The following GRID1 variants were observed in gnomAD, a reference collection of about 807,000 sequenced individuals.
The protein encoded by GRID1 is glutamate receptor ionotropic, delta-1.
In GRID1, 28 loss-of-function variants were observed where a neutral mutation model predicts 98.0. The ratio of observed to expected loss-of-function variants is 0.29; its 90% CI spans 0.21 to 0.39. The LOEUF is 0.39. GRID1 is among the 10% of genes least tolerant of loss of function. The pLI is 1.00. For missense variants in GRID1, 1,111 were observed against 1,340.5 expected, an observed-to-expected ratio of 0.83 and a Z score of 2.67; for synonymous variants, 553 against 538.5, an observed-to-expected ratio of 1.03 and a Z score of -0.37.
intron 13 of GRID1, among the ~76,000 whole-genome samples, chr10:85,641,351 A>G (rs1843114899): frequency 6.6e-6 from 1 of 152,246 alleles, no homozygotes; most frequent in South Asian, 2.1e-4. Context: ...TCAAAAGATA[A>G]AGTCACAGAC....
chr10:85,921,563 CACGTACTGGCTCCCAGCTTCCAA>C (rs1438121177), intron 4 of GRID1, among the ~76,000 whole-genome samples: 23 of 152,226 alleles, frequency 1.5e-4, no homozygotes, highest in African/African-American at 5.1e-4. Flanking sequence ...AGATGTGGGC[CACGTACTGGCTCCCAGCTTCCAA>C]ACAGACTCTG....
intron 4 of GRID1, among the ~76,000 whole-genome samples, chr10:86,067,023 C>T (rs561692643): frequency 5.0e-4 from 76 of 152,286 alleles, no homozygotes; most frequent in Admixed American, 2.5e-3. Flanking sequence ...TCCTTAATAG[C>T]GCATAGAGCT....
At chr10:85,631,058 A>T (rs1320100292) in intron 13 of GRID1, among the ~76,000 whole-genome samples, 1 of 152,226 alleles carries the variant, frequency 6.6e-6, no homozygotes, top group Non-Finnish European at 1.5e-5. Context: ...ACTCTACTTT[A>T]TGCTTTACCA....
chr10:85,961,761 C>T (rs968193633), intron 4 of GRID1, among the ~76,000 whole-genome samples: 2 of 151,794 alleles, frequency 1.3e-5, no homozygotes, highest in African/African-American at 2.4e-5. Flanking sequence ...TCCTTCCTCC[C>T]TCTCTTCCCT....
chr10:86,254,848 C>G (rs72841801), intron 2 of GRID1, among the ~76,000 whole-genome samples: 2,674 of 152,370 alleles, frequency 0.018, 35 homozygotes, highest in Non-Finnish European at 0.031. Context: ...GCCGGCTGCA[C>G]AGCCCCAGCC....
intron 3 of GRID1, among the ~76,000 whole-genome samples, chr10:86,145,376 C>T (rs990620047): frequency 1.3e-5 from 2 of 152,144 alleles, no homozygotes; most frequent in African/African-American, 4.8e-5. Flanking sequence ...ACACCCGCCA[C>T]CACGCCCGGC....
At chr10:85,764,889 C>T (rs896401466) in intron 8 of GRID1, among the ~76,000 whole-genome samples, 2 of 152,110 alleles carry the variant, frequency 1.3e-5, no homozygotes, top group African/African-American at 2.4e-5. Context: ...TTCCACTTGT[C>T]TGAAAATAGA....
chr10:86,137,391 C>G (rs535160388), intron 4 of GRID1, among the ~76,000 whole-genome samples: 1 of 152,200 alleles, frequency 6.6e-6, no homozygotes, highest in Non-Finnish European at 1.5e-5. Context: ...CCATTCAACT[C>G]CAAAGCCAAT....
intron 4 of GRID1, among the ~76,000 whole-genome samples, chr10:86,078,885 T>C (rs914921837): frequency 6.6e-6 from 1 of 152,238 alleles, no homozygotes; most frequent in Non-Finnish European, 1.5e-5. Context: ...GTTTCCTCTC[T>C]TGTGCAAACC....
chr10:85,906,686 AT>A (rs781602763), intron 5 of GRID1, among the ~76,000 whole-genome samples: 6 of 152,316 alleles, frequency 3.9e-5, no homozygotes, highest in Admixed American at 2.6e-4. Context: ...ATATAGAAGT[AT>A]TTTGAACTAA....
chr10:86,012,661 T>A (rs1173632579), intron 4 of GRID1, among the ~76,000 whole-genome samples: 1 of 151,920 alleles, frequency 6.6e-6, no homozygotes, highest in Non-Finnish European at 1.5e-5. Context: ...CTTTGGGAGG[T>A]AACTGGATCA....
chr10:85,960,988 C>T (rs555732268), intron 4 of GRID1, among the ~76,000 whole-genome samples: 1 of 152,006 alleles, frequency 6.6e-6, no homozygotes, highest in East Asian at 1.9e-4. Context: ...GGTAGAGTCG[C>T]ACGGAGGCTG....
At chr10:86,180,625 TC>T (rs1845641925) in intron 3 of GRID1, among the ~76,000 whole-genome samples, 1 of 152,026 alleles carries the variant, frequency 6.6e-6, no homozygotes, top group South Asian at 2.1e-4. Flanking sequence ...TGCACCCACT[TC>T]CTAGGCTTCC....
At chr10:86,016,320 G>A (rs967601474) in intron 4 of GRID1, among the ~76,000 whole-genome samples, 14 of 151,838 alleles carry the variant, frequency 9.2e-5, no homozygotes, top group African/African-American at 3.4e-4. Context: ...CTAATTTTTT[G>A]TATTTTTAGT....
intron 12 of GRID1, among the ~76,000 whole-genome samples, chr10:85,722,559 G>A (rs1841715551): frequency 6.6e-6 from 1 of 151,940 alleles, no homozygotes; most frequent in Non-Finnish European, 1.5e-5. Context: ...ATATAAATGT[G>A]CATGAAATAT....
chr10:86,329,842 C>A (rs2132101688), intron 2 of GRID1, among the ~76,000 whole-genome samples: 1 of 152,276 alleles, frequency 6.6e-6, no homozygotes, highest in South Asian at 2.1e-4. Flanking sequence ...TCCCTTGAAG[C>A]AAACCAGGCC....
At chr10:86,208,090 G>A (rs1202826106) in intron 2 of GRID1, among the ~76,000 whole-genome samples, 5 of 152,120 alleles carry the variant, frequency 3.3e-5, no homozygotes, top group Admixed American at 3.3e-4. Flanking sequence ...AGAAAAGGGG[G>A]AACTGACCCC....
At chr10:85,902,736 C>G (rs1294765539) in intron 5 of GRID1, among the ~76,000 whole-genome samples, 1 of 152,196 alleles carries the variant, frequency 6.6e-6, no homozygotes, top group Non-Finnish European at 1.5e-5. Context: ...GTTTTCTTAT[C>G]TGTAGGATGG....
At chr10:86,142,745 G>A (rs1266729918) in intron 3 of GRID1, among the ~76,000 whole-genome samples, 1 of 152,216 alleles carries the variant, frequency 6.6e-6, no homozygotes, top group East Asian at 1.9e-4. Flanking sequence ...AGTATGGTAG[G>A]GACACCCATG....
Sources: gnomAD v4.1 joint callset for allele counts (sites outside exome capture counted in the v4.1 genomes callset) on GRCh38, gnomAD v4.1.1 for gene constraint, MANE v1.5 for transcripts, NCBI Gene and HGNC (gene_info 2026-07-23, HGNC 2026-07-21) for gene names.